KAZN: variants seen among roughly 807,000 people sequenced by gnomAD.
The protein encoded by KAZN is kazrin.
Under a neutral mutation model 87.4 loss-of-function variants are expected in KAZN, and 40 were observed. That is an observed-to-expected ratio of 0.46 (90% CI 0.36 to 0.60). The LOEUF is 0.60. Ranked by LOEUF, KAZN falls within the 20% of genes least tolerant of loss-of-function variation. The pLI, the probability that KAZN is intolerant of heterozygous loss-of-function variation, is 0.00. For missense variants in KAZN, 898 were observed against 1,073.9 expected (o/e 0.84, Z 2.29); for synonymous variants, 466 against 458.3 (o/e 1.02, Z -0.22).
At chr1:13,999,070 C>T (rs1217806494) in intron 1 of KAZN, among the ~76,000 whole-genome samples, 1 of 152,172 alleles carries the variant, frequency 6.6e-6, no homozygotes, top group African/African-American at 2.4e-5. Context: ...ACTCACTTGG[C>T]CAGGCACAGT....
Position 14,466,142 on chromosome 1 carries a change from C to G in KAZN, c.250-132841C>G, listed in dbSNP as rs1489119181. 2.0e-5 allele frequency among the ~76,000 whole-genome samples: 3 copies of G among 152,110 alleles called. 1 individual carries two copies. Among genetic ancestry groups the G allele is most frequent in the Non-Finnish European group, 4.4e-5 (3 of 68,014 alleles). On this transcript the variant is annotated intron_variant, in intron 2 of 16. Coordinates refer to the KAZN transcript ENST00000636203. ...TAACAACATATTTTTCAGAACATAT[C>G]CCTGTCGGTAAGCAACACATGACTA... is the stretch of plus-strand genomic sequence containing the variant.
chr1:14,832,279 C>T (rs1168270384), intron 1 of KAZN, among the ~76,000 whole-genome samples: 1 of 152,116 alleles, frequency 6.6e-6, no homozygotes, highest in Non-Finnish European at 1.5e-5. Flanking sequence ...CCCCACACCC[C>T]CCACGTCTCT....
At chr1:14,169,542 G>A (rs1645905989) in intron 1 of KAZN, among the ~76,000 whole-genome samples, 1 of 152,184 alleles carries the variant, frequency 6.6e-6, no homozygotes, top group South Asian at 2.1e-4. Context: ...ACACACAGGG[G>A]TGTGAGAACA....
At chr1:14,133,228 A>G (rs1389357588) in intron 1 of KAZN, among the ~76,000 whole-genome samples, 6 of 151,988 alleles carry the variant, frequency 3.9e-5, no homozygotes, top group Admixed American at 2.6e-4. Context: ...TTAGCTGGGC[A>G]TGGTGGTGAG....
chr1:14,290,663 G>A lies in KAZN; in HGVS notation c.249+110071G>A, dbSNP rs1653613397. Among the ~76,000 whole-genome samples the A allele has an allele frequency of 2.0e-5, 3 of 152,052 alleles. No homozygotes were observed. The South Asian group carries it at 6.2e-4, about 31-fold the overall frequency. The stretch of plus-strand genomic sequence containing the variant: ...GGAGAAGTTTGTTATTACCGACCTT[G>A]TGAAGCCTACTTCTGTCAGCTTGTC... On this transcript the variant is annotated intron_variant, in intron 2 of 16. Coordinates refer to the KAZN transcript ENST00000636203.
chr1:13,991,349 T>C (rs1639277682), intron 1 of KAZN, among the ~76,000 whole-genome samples: 1 of 152,058 alleles, frequency 6.6e-6, no homozygotes, highest in African/African-American at 2.4e-5. Context: ...CCTAATGTGG[T>C]TGATGGATGC....
intron 2 of KAZN, among the ~76,000 whole-genome samples, chr1:14,375,806 T>A (rs1417000443): frequency 6.6e-6 from 1 of 152,118 alleles, no homozygotes; most frequent in East Asian, 1.9e-4. Flanking sequence ...GAGAATGGCA[T>A]GAACCCGGGA....
intron 1 of KAZN, among the ~76,000 whole-genome samples, chr1:13,951,314 G>C (rs1475052066): frequency 6.6e-6 from 1 of 152,086 alleles, no homozygotes; most frequent in Non-Finnish European, 1.5e-5. Flanking sequence ...CTTCACAGCT[G>C]TGTGGCTTGA....
At chr1:14,102,490 TC>T (rs1644279621) in intron 1 of KAZN, among the ~76,000 whole-genome samples, 2 of 151,726 alleles carry the variant, frequency 1.3e-5, no homozygotes, top group Middle Eastern at 3.5e-3. Flanking sequence ...GTTCCTGCTC[TC>T]CAAGCAGCTG....
chr1:14,097,512 C>T (rs1323813339), intron 1 of KAZN, among the ~76,000 whole-genome samples: 1 of 152,130 alleles, frequency 6.6e-6, no homozygotes, highest in Non-Finnish European at 1.5e-5. Context: ...AATTTGATTG[C>T]TCTGGTTCAA....
At chr1:15,073,325 G>A (rs1259337316) in intron 8 of KAZN, among the ~76,000 whole-genome samples, 1 of 152,222 alleles carries the variant, frequency 6.6e-6, no homozygotes, top group Non-Finnish European at 1.5e-5. Flanking sequence ...TGGGAGCTGT[G>A]TGCGTATTGA....
intron 2 of KAZN, among the ~76,000 whole-genome samples, chr1:14,529,419 G>A (rs149570666): frequency 2.0e-3 from 303 of 152,364 alleles, no homozygotes; most frequent in African/African-American, 6.8e-3. Flanking sequence ...TTCATGCAAA[G>A]AGAACGAAAG....
intron 2 of KAZN, among the ~76,000 whole-genome samples, chr1:15,022,212 T>G (rs948881844): frequency 6.6e-6 from 1 of 151,850 alleles, no homozygotes; most frequent in Non-Finnish European, 1.5e-5. Flanking sequence ...ATCACTTCCC[T>G]GCCCTGGCTC....
At chr1:14,580,377 A>G (rs1675466588) in intron 2 of KAZN, among the ~76,000 whole-genome samples, 1 of 152,162 alleles carries the variant, frequency 6.6e-6, no homozygotes, top group African/African-American at 2.4e-5. Context: ...CGGAAGGCTG[A>G]GGCAGGAGAA....
chr1:14,273,767 C>G (rs1652134119), intron 2 of KAZN, among the ~76,000 whole-genome samples: 1 of 152,142 alleles, frequency 6.6e-6, no homozygotes, highest in Non-Finnish European at 1.5e-5. Flanking sequence ...TGGTCAAGAC[C>G]TTTCTAATGG....
At chr1:14,239,418 T>TTTAC (rs1648720126) in intron 2 of KAZN, among the ~76,000 whole-genome samples, 1 of 151,652 alleles carries the variant, frequency 6.6e-6, no homozygotes, top group Admixed American at 6.6e-5. Flanking sequence ...TGACTTTTGT[T>TTTAC]TTACTTGGCA....
chr1:14,852,093 G>A (rs189012701), intron 1 of KAZN, among the ~76,000 whole-genome samples: 10 of 152,258 alleles, frequency 6.6e-5, no homozygotes, highest in Admixed American at 3.9e-4. Flanking sequence ...TCACCTGGGA[G>A]GCAAACGTAA....
At chr1:14,654,287 C>CAA (rs140822403) in intron 1 of KAZN, among the ~76,000 whole-genome samples, 24,192 of 79,938 alleles carry the variant, frequency 0.3, 2,873 homozygotes, top group Middle Eastern at 0.39. Context: ...GGCTTCGTCT[C>CAA]AAAAAAAAAA....
At chr1:15,036,440 C>G (rs974619689) in intron 3 of KAZN, among the ~76,000 whole-genome samples, 1 of 149,246 alleles carries the variant, frequency 6.7e-6, no homozygotes, top group Admixed American at 6.7e-5. Flanking sequence ...TGGCCTGGCT[C>G]CCTTTCATAT....
Sources: gnomAD v4.1 joint callset for allele counts (sites outside exome capture counted in the v4.1 genomes callset) on GRCh38, gnomAD v4.1.1 for gene constraint, MANE v1.5 for transcripts, NCBI Gene and HGNC (gene_info 2026-07-23, HGNC 2026-07-21) for gene names.